LRRC8D: variants seen among roughly 807,000 people sequenced by gnomAD.
LRRC8D encodes leucine rich repeat containing 8 VRAC subunit D, also known as volume-regulated anion channel subunit LRRC8D.
LRRC8D carries 20 observed loss-of-function variants against 55.8 expected under a neutral mutation model. That is an observed-to-expected ratio of 0.36 (90% CI 0.25 to 0.52). LRRC8D has a LOEUF of 0.52. Ranked by LOEUF, LRRC8D falls within the 20% of genes least tolerant of loss-of-function variation. The pLI, the probability that LRRC8D is intolerant of heterozygous loss-of-function variation, is 0.93. For missense variants in LRRC8D, 651 were observed against 1,030.8 expected (o/e 0.63, Z 5.05); for synonymous variants, 352 against 377.0 (o/e 0.93, Z 0.77).
intron 2 of LRRC8D, among the ~76,000 whole-genome samples, chr1:89,896,066 A>T (rs931240943): frequency 5.3e-5 from 8 of 152,272 alleles, no homozygotes; most frequent in Admixed American, 5.2e-4. Context: ...ACAAGAAATG[A>T]TACATGAGTT....
chr1:89,930,594 C>T lies in LRRC8D; in HGVS notation c.-2-2473C>T, dbSNP rs530020429. ...TAAAGAAAAATCCTATTTGAAAGAA[C>T]TATTACATGCAAAAAAATCTATTGT... On this transcript the variant is annotated intron_variant, in intron 2 of 2. Coordinates refer to ENST00000337338, the MANE Select transcript of LRRC8D (RefSeq NM_001134479.2). 3.3e-5 allele frequency among the ~76,000 whole-genome samples: 5 copies of T among 152,172 alleles called. No individual in the cohort carries two copies. In the South Asian group the frequency reaches 1.0e-3, roughly 32 times the overall value.
chr1:89,898,307 A>G (rs1662766050), intron 2 of LRRC8D, among the ~76,000 whole-genome samples: 1 of 152,188 alleles, frequency 6.6e-6, no homozygotes, highest in Admixed American at 6.5e-5. Context: ...TGAAATATCT[A>G]CGTGTGGATG....
At chr1:89,859,868 T>C (rs1202961254) in intron 2 of LRRC8D, among the ~76,000 whole-genome samples, 1 of 152,046 alleles carries the variant, frequency 6.6e-6, no homozygotes, top group African/African-American at 2.4e-5. Flanking sequence ...TTCCAAGAGG[T>C]GGTTGTAAAT....
chr1:89,837,736 A>C (rs1363182029), intron 1 of LRRC8D, among the ~76,000 whole-genome samples: 1 of 152,272 alleles, frequency 6.6e-6, no homozygotes, highest in Non-Finnish European at 1.5e-5. Flanking sequence ...TTAAAAGTTC[A>C]TAATAAAGTT....
chr1:89,915,593 C>T (rs1197846610), intron 2 of LRRC8D, among the ~76,000 whole-genome samples: 2 of 152,140 alleles, frequency 1.3e-5, no homozygotes, highest in Non-Finnish European at 2.9e-5. Context: ...CTGAAATATT[C>T]ACTCCTTTGG....
intron 2 of LRRC8D, among the ~76,000 whole-genome samples, chr1:89,854,911 G>T (rs77488170): frequency 0.017 from 2,615 of 152,232 alleles, 79 homozygotes; most frequent in African/African-American, 0.06. Context: ...ATCTGTGATG[G>T]GATTTGCGTG....
At chr1:89,920,876 A>G (rs1173495828) in intron 2 of LRRC8D, among the ~76,000 whole-genome samples, 1 of 152,152 alleles carries the variant, frequency 6.6e-6, no homozygotes. Flanking sequence ...GGCTTGTTGT[A>G]GAGATGGTGT....
chr1:89,873,331 T>G (rs908580761), intron 2 of LRRC8D, among the ~76,000 whole-genome samples: 2 of 152,280 alleles, frequency 1.3e-5, no homozygotes, highest in African/African-American at 4.8e-5. Context: ...TATTTCTAAA[T>G]GTATAATTGC....
intron 2 of LRRC8D, among the ~76,000 whole-genome samples, chr1:89,908,310 A>G (rs1663045818): frequency 6.6e-6 from 1 of 152,198 alleles, no homozygotes; most frequent in Admixed American, 6.5e-5. Context: ...CACCTCTGTG[A>G]AATAGGTGGT....
chr1:89,895,996 C>A (rs1220909092), intron 2 of LRRC8D, among the ~76,000 whole-genome samples: 1 of 152,148 alleles, frequency 6.6e-6, no homozygotes, highest in Non-Finnish European at 1.5e-5. Context: ...AGCGTTAGAA[C>A]CTTTATTAGA....
At chr1:89,888,760 A>T (rs1662487079) in intron 2 of LRRC8D, among the ~76,000 whole-genome samples, 1 of 152,234 alleles carries the variant, frequency 6.6e-6, no homozygotes, top group East Asian at 1.9e-4. Flanking sequence ...ACGAAGGTTT[A>T]TCAGAGGGAC....
chr1:89,927,045 T>C (rs1320295526), intron 2 of LRRC8D, among the ~76,000 whole-genome samples: 1 of 152,248 alleles, frequency 6.6e-6, no homozygotes, highest in Non-Finnish European at 1.5e-5. Context: ...CTTTCAGATA[T>C]TGTATGTTCC....
At chr1:89,840,753 G>A (rs1426351965) in intron 1 of LRRC8D, among the ~76,000 whole-genome samples, 1 of 152,194 alleles carries the variant, frequency 6.6e-6, no homozygotes, top group African/African-American at 2.4e-5. Context: ...GAGATTTTAA[G>A]AAGTTAGATA....
intron 2 of LRRC8D, among the ~76,000 whole-genome samples, chr1:89,917,709 G>A (rs1663310597): frequency 6.6e-6 from 1 of 152,142 alleles, no homozygotes; most frequent in South Asian, 2.1e-4. Flanking sequence ...GCAAGCAGGG[G>A]AAGGTCCAAG....
At chr1:89,840,159 G>T (rs889124662) in intron 1 of LRRC8D, among the ~76,000 whole-genome samples, 1 of 152,072 alleles carries the variant, frequency 6.6e-6, no homozygotes, top group African/African-American at 2.4e-5. Context: ...ACCTGAGAGC[G>T]CATTTTTTCT....
rs148241371 is a variant in LRRC8D, at chr1:89,848,944, C to T, written c.-3+5162C>T. On this transcript the variant is annotated intron_variant, in intron 2 of 2. Transcript: ENST00000337338. ...CGATCTCCTGACTTCTTGATCTGCCCGCCTCTGCCTCCCAAAGTGCTGGGA... is the reference window on the plus strand; with the variant it reads ...CGATCTCCTGACTTCTTGATCTGCCTGCCTCTGCCTCCCAAAGTGCTGGGA... Among the ~76,000 whole-genome samples the T allele has an allele frequency of 2.7e-3, 404 of 152,134 alleles. 2 individuals carry two copies. Among genetic ancestry groups the T allele is most frequent in the African/African-American group, 9.1e-3 (379 of 41,502 alleles).
At chr1:89,888,503 G>C (rs1353307931) in intron 2 of LRRC8D, among the ~76,000 whole-genome samples, 2 of 152,222 alleles carry the variant, frequency 1.3e-5, no homozygotes, top group Non-Finnish European at 2.9e-5. Context: ...ATATACACAA[G>C]TTAGTACGCA....
At chr1:89,865,236 C>G (rs746833007) in intron 2 of LRRC8D, among the ~76,000 whole-genome samples, 7 of 151,708 alleles carry the variant, frequency 4.6e-5, no homozygotes, top group Non-Finnish European at 7.4e-5. Flanking sequence ...AGCACACAAC[C>G]TGTGAATGAA....
chr1:89,901,186 C>A (rs552513171), intron 2 of LRRC8D, among the ~76,000 whole-genome samples: 88 of 152,290 alleles, frequency 5.8e-4, no homozygotes, highest in African/African-American at 2.0e-3. Context: ...AGCCTGCAGG[C>A]CTTTCACGGC....
Sources: gnomAD v4.1 joint callset for allele counts (sites outside exome capture counted in the v4.1 genomes callset) on GRCh38, gnomAD v4.1.1 for gene constraint, MANE v1.5 for transcripts, NCBI Gene and HGNC (gene_info 2026-07-23, HGNC 2026-07-21) for gene names.